Variants in FBXL3 observed in about 807,000 individuals in gnomAD.
FBXL3 encodes F-box and leucine rich repeat protein 3.
A neutral mutation model predicts 37.9 loss-of-function variants in FBXL3; 14 were observed. That is an observed-to-expected ratio of 0.37 (90% CI 0.24 to 0.58). The LOEUF is 0.58. Among genes scored for constraint, FBXL3 ranks in the 20% least tolerant of loss-of-function variants. FBXL3 has a pLI of 0.74. For synonymous variants in FBXL3, 194 were observed against 180.1 expected (o/e 1.08, Z -0.62); for missense variants, 327 against 511.1 (o/e 0.64, Z 3.47).
In FBXL3 at chr13:77,006,741, G is replaced by GT. The variant is rs1342446069; in HGVS notation, c.*403dup. On this transcript the variant is annotated 3_prime_UTR_variant, in exon 5 of 5. Coordinates refer to ENST00000355619, the MANE Select transcript of FBXL3 (RefSeq NM_012158.4). ...CTATATTAAACACCTTATAACAGGT[G>GT]TATGTGTAACTGAAGACCCTAAAAT... 2 of 882,528 alleles carry GT rather than the reference G, an allele frequency of 2.3e-6. No homozygotes were observed. The highest frequency in any genetic ancestry group is 2.7e-6 in the Non-Finnish European group (2 of 729,742). 54.7% of individuals were successfully genotyped at this position (882,528 alleles called of 1,614,324 possible). A position where few individuals can be genotyped will look rare whatever the true frequency, so the allele number is the denominator to read the frequency against.
At position 77,005,834 on chromosome 13, in the gene FBXL3, G is replaced by A. The variant is rs1293009664; in HGVS notation, c.*1311C>T. 1.3e-5 allele frequency: 2 copies of A among 152,134 alleles called. No individual in the cohort carries two copies. The highest frequency in any genetic ancestry group is 2.4e-5 in the African/African-American group (1 of 41,426). The allele number at this position is 152,134 out of a possible 1,614,324, so 9.4% of individuals were successfully genotyped here. A position where few individuals can be genotyped will look rare whatever the true frequency, so the allele number is the denominator to read the frequency against. On this transcript the variant is annotated 3_prime_UTR_variant, in exon 5 of 5. Coordinates refer to ENST00000355619, the MANE Select transcript of FBXL3 (RefSeq NM_012158.4). ...ATTTCTGATTTCCCTCAGGAGGGTA[G>A]TAATATCTACTAGCACTAGTGCCCA...
In FBXL3 at chr13:77,005,981, G is replaced by A. The variant is rs1438837622; in HGVS notation, c.*1164C>T. On this transcript the variant is annotated 3_prime_UTR_variant, in exon 5 of 5. Transcript: ENST00000355619. ...CCTAACTTAAATAATATAAAATATCGGTTTAACCAAATTAACAATCACAAA... is the reference window on the plus strand; with the variant it reads ...CCTAACTTAAATAATATAAAATATCAGTTTAACCAAATTAACAATCACAAA... The A allele has an allele frequency of 2.6e-5, 4 of 152,234 alleles. No homozygotes were observed. The highest frequency in any genetic ancestry group is 1.3e-4 in the Admixed American group (2 of 15,230). The allele number at this position is 152,234 out of a possible 1,614,324, so 9.4% of individuals were successfully genotyped here. A position where few individuals can be genotyped will look rare whatever the true frequency, so the allele number is the denominator to read the frequency against.
At chr13:77,011,207 G>A (rs1304297156) in intron 4 of FBXL3, among the ~76,000 whole-genome samples, 1 of 151,986 alleles carries the variant, frequency 6.6e-6, no homozygotes, top group Non-Finnish European at 1.5e-5. Flanking sequence ...GGATGTGGTG[G>A]CGGGCACCTG....
chr13:77,012,239 G>A (rs2034567701), intron 4 of FBXL3, among the ~76,000 whole-genome samples: 1 of 152,144 alleles, frequency 6.6e-6, no homozygotes, highest in Non-Finnish European at 1.5e-5. Context: ...AATGAGAATT[G>A]TGAATTATAT....
rs776986306 is a variant in FBXL3, at chr13:77,015,597, AT to A, written c.472-18del. On this transcript the variant is annotated intron_variant, in intron 3 of 4. Coordinates refer to ENST00000355619, the MANE Select transcript of FBXL3 (RefSeq NM_012158.4). ...AAAGTGAGACTGAAAAGCAAAAAAA[AT>A]AAAATAAAAATTATTTCAATTTTTA... is the stretch of plus-strand genomic sequence containing the variant. The A allele has an allele frequency of 6.5e-5, 95 of 1,464,606 alleles. No individual in the cohort carries two copies. Among genetic ancestry groups the A allele is most frequent in the Middle Eastern group, 1.8e-4 (1 of 5,546 alleles). The allele number at this position is 1,464,606 out of a possible 1,614,324, so 90.7% of individuals were successfully genotyped here.
At position 77,021,618 on chromosome 13, in the gene FBXL3, A is replaced by G. The variant is rs1379296588; in HGVS notation, c.243T>C (p.Phe81=). ...AAGATGTAGCTGGCTGATTCAGTTC[A>G]AATTCAAAACATCTCCACAAGTCAG... The part of the protein sequence containing the change: ...HMPDLWRCFE[F]ELNQPATSYL... The change falls in exon 2 of 5, where the codon TTT becomes TTC. Residue 81 remains phenylalanine, a synonymous_variant. Transcript: ENST00000355619. 6 of 1,614,076 alleles carry G rather than the reference A, an allele frequency of 3.7e-6. No individual in the cohort carries two copies. The highest frequency in any genetic ancestry group is 5.1e-6 in the Non-Finnish European group (6 of 1,180,032).
Position 77,021,816 on chromosome 13 carries a change from T to C in FBXL3, c.45A>G (p.Glu15=). ...GRDSDRNSSE[E]GTAEKSKKLR... is the part of the protein sequence containing the mutation. ...GTTTCTTGGATTTCTCTGCAGTTCC[T>C]TCTTCTGATGAATTACGGTCACTAT... The change falls in exon 2 of 5, where the codon GAA becomes GAG. Residue 15 remains glutamate (E), a synonymous_variant. Coordinates refer to ENST00000355619, the MANE Select transcript of FBXL3 (RefSeq NM_012158.4). The C allele has an allele frequency of 1.2e-6, 2 of 1,613,528 alleles. No individual in the cohort carries two copies. The highest frequency in any genetic ancestry group is 2.7e-5 in the African/African-American group (2 of 75,036).
intron 1 of FBXL3, chr13:77,026,222 C>A (rs1413737862): frequency 1.0e-6 from 1 of 985,328 alleles, no homozygotes; most frequent in East Asian, 1.1e-4. Context: ...TGACCCCTGT[C>A]TGCAACCCCA....
intron 1 of FBXL3, among the ~76,000 whole-genome samples, chr13:77,022,652 T>C (rs1593935845): frequency 1.3e-5 from 2 of 152,330 alleles, no homozygotes; most frequent in African/African-American, 2.4e-5. Context: ...ACCCCTACTA[T>C]GAATTGTTTG....
intron 2 of FBXL3, among the ~76,000 whole-genome samples, chr13:77,020,108 G>A (rs921288266): frequency 3.3e-5 from 5 of 152,108 alleles, no homozygotes; most frequent in Non-Finnish European, 5.9e-5. Flanking sequence ...GGGGTATGGG[G>A]ATGAGTCCTG....
chr13:77,007,039 A>G lies in FBXL3; in HGVS notation c.*106T>C. The G allele has an allele frequency of 6.8e-7, 1 of 1,460,402 alleles. No homozygotes were observed. Among genetic ancestry groups the G allele is most frequent in the African/African-American group, 1.4e-5 (1 of 70,128 alleles). The allele number at this position is 1,460,402 out of a possible 1,614,324, so 90.5% of individuals were successfully genotyped here. ...TTTACATATACTGACTGAAGATATC[A>G]AATTTCTGTGCCACAAAATAGTAGA... On this transcript the variant is annotated 3_prime_UTR_variant, in exon 5 of 5. Coordinates refer to ENST00000355619, the MANE Select transcript of FBXL3 (RefSeq NM_012158.4).
intron 4 of FBXL3, 101 bp downstream of exon 4, chr13:77,015,307 AG>A: frequency 1.4e-6 from 1 of 739,034 alleles, no homozygotes; most frequent in Non-Finnish European, 2.0e-6. Context: ...GAGATGAAGC[AG>A]TCATATTAAT....
chr13:77,016,250 TACAC>T (rs748650976), intron 3 of FBXL3: 1 of 152,004 alleles, frequency 6.6e-6, no homozygotes, highest in Non-Finnish European at 1.5e-5. Flanking sequence ...TATACACACA[TACAC>T]ACACACACGT....
intron 3 of FBXL3, chr13:77,016,002 A>C (rs1008419185): frequency 6.6e-6 from 1 of 152,408 alleles, no homozygotes; most frequent in Non-Finnish European, 1.5e-5. Context: ...TAACACCATC[A>C]TTAAAAATTA....
intron 1 of FBXL3, among the ~76,000 whole-genome samples, chr13:77,026,518 C>T (rs958950297): frequency 6.6e-6 from 1 of 152,208 alleles, no homozygotes; most frequent in African/African-American, 2.4e-5. Flanking sequence ...GTCATAAAGC[C>T]TGGCAGGAGC....
At chr13:77,018,545 T>C in intron 3 of FBXL3, 55 bp downstream of exon 3, 1 of 1,427,424 alleles carries the variant, frequency 7.0e-7, no homozygotes, top group Non-Finnish European at 9.3e-7. Context: ...AAAAAAAAGA[T>C]TAGACTTTCA....
Position 77,015,599 on chromosome 13 carries a change from AAAAT to A in FBXL3, c.472-23_472-20del. 6.9e-7 allele frequency: 1 copy of A among 1,457,698 alleles called. No homozygotes were observed. Among genetic ancestry groups the A allele is most frequent in the Non-Finnish European group, 9.1e-7 (1 of 1,097,810 alleles). The allele number at this position is 1,457,698 out of a possible 1,614,324, so 90.3% of individuals were successfully genotyped here. On this transcript the variant is annotated intron_variant, in intron 3 of 4. Coordinates refer to ENST00000355619, the MANE Select transcript of FBXL3 (RefSeq NM_012158.4). The stretch of plus-strand genomic sequence containing the variant: ...AGTGAGACTGAAAAGCAAAAAAAAT[AAAAT>A]AAAAATTATTTCAATTTTTAGAAAT...
chr13:77,007,815 A>G, intron 4 of FBXL3, 27 bp from the exon 5 acceptor site: 1 of 1,522,496 alleles, frequency 6.6e-7, no homozygotes, highest in Non-Finnish European at 8.8e-7. Context: ...AATTATTTGC[A>G]AGTTTTTGTA....
intron 4 of FBXL3, chr13:77,008,786 C>G (rs1318180543): frequency 3.3e-5 from 5 of 152,228 alleles, no homozygotes; most frequent in East Asian, 3.8e-4. Flanking sequence ...CTCCGGACCT[C>G]AAGTGATCCA....
Sources: allele counts gnomAD v4.1 joint callset (sites outside exome capture counted in the v4.1 genomes callset), GRCh38; gene constraint gnomAD v4.1.1; transcripts MANE v1.5; gene names NCBI Gene and HGNC (gene_info 2026-07-23, HGNC 2026-07-21).